Variants in UBE3B observed in about 807,000 individuals in gnomAD.
The protein encoded by UBE3B is ubiquitin protein ligase E3B.
UBE3B carries 80 observed loss-of-function variants against 132.3 expected under a neutral mutation model. The ratio of observed to expected loss-of-function variants is 0.60; its 90% confidence interval spans 0.50 to 0.73. The LOEUF (loss-of-function observed/expected upper bound fraction) is 0.73. Among genes scored for constraint, UBE3B ranks in the 30% least tolerant of loss-of-function variants. The probability of loss-of-function intolerance (pLI) is 0.00; values close to 1 mark genes in which losing one functional copy is unlikely to be tolerated. For missense variants in UBE3B, 1,196 were observed against 1,362.5 expected, an observed-to-expected ratio of 0.88 and a Z score of 1.92; for synonymous variants, 487 against 520.4, an observed-to-expected ratio of 0.94 and a Z score of 0.87.
rs370576457 is a variant in UBE3B at position 109,483,827 on chromosome 12, T to A, written c.162-34T>A. ...CCTTCCAGGTGCTACAAGCTGTTAA[T>A]TTAAAATGTCTTTTTTTGCACTTTC... On this transcript the variant is annotated intron_variant, in intron 3 of 27. Transcript: ENST00000342494. 1.6e-5 allele frequency: 25 copies of A among 1,599,736 alleles called. No individual in the cohort carries two copies. The African/African-American group carries it at 3.2e-4, about 21-fold the overall frequency.
chr12:109,499,498 T>C (rs1592912826), intron 11 of UBE3B, 135 bp from the exon 12 acceptor site: 5 of 855,968 alleles, frequency 5.8e-6, no homozygotes, highest in Non-Finnish European at 6.6e-6. Context: ...GCCTCCGGCA[T>C]TGACAGGTGC....
downstream of UBE3B, among the ~76,000 whole-genome samples, chr12:109,541,702 G>T (rs1883616614): frequency 6.6e-6 from 1 of 152,152 alleles, no homozygotes; most frequent in African/African-American, 2.4e-5. Flanking sequence ...GACAGTTCTG[G>T]CCAGAAGCCT....
At chr12:109,501,347 C>T (rs772277846) in intron 12 of UBE3B, 24 bp from the exon 13 acceptor site, 2 of 1,613,046 alleles carry the variant, frequency 1.2e-6, no homozygotes. Context: ...ACTGACAGAC[C>T]AGGTCTCCTC....
intron 9 of UBE3B, among the ~76,000 whole-genome samples, chr12:109,497,127 G>A (rs1001793928): frequency 2.2e-4 from 34 of 151,816 alleles, no homozygotes; most frequent in Non-Finnish European, 4.4e-4. Flanking sequence ...GATTATGGAA[G>A]CAATACATGC....
At chr12:109,531,443 T>C (rs572468447) in intron 26 of UBE3B, among the ~76,000 whole-genome samples, 1 of 152,346 alleles carries the variant, frequency 6.6e-6, no homozygotes, top group African/African-American at 2.4e-5. Context: ...GCCTTCCTAC[T>C]TGACAGAATA....
chr12:109,494,942 A>G (rs2135878369), intron 9 of UBE3B, among the ~76,000 whole-genome samples: 1 of 152,308 alleles, frequency 6.6e-6, no homozygotes, highest in South Asian at 2.1e-4. Context: ...CCCTTATAAC[A>G]ATGCAGTCCT....
In UBE3B at chr12:109,530,592, C is replaced by T. The variant is rs1006734553; in HGVS notation, c.2856C>T (p.Val952=). 9.9e-6 allele frequency: 16 copies of T among 1,614,180 alleles called. No homozygotes were observed. Among genetic ancestry groups the T allele is most frequent in the Admixed American group, 3.3e-5 (2 of 60,034 alleles). The part of the protein sequence containing the change: ...YYGGFHGSHR[V]IIWLWDILAS... Reference sequence around the variant, plus strand: ...GTGGTTTCCATGGAAGTCACAGAGTCATCATCTGGCTCTGGGATATTCTGG... The same window carrying T: ...GTGGTTTCCATGGAAGTCACAGAGTTATCATCTGGCTCTGGGATATTCTGG... The change falls in exon 26 of 28, where the codon GTC becomes GTT. Residue 952 remains valine, a synonymous_variant. Transcript: ENST00000342494.
chr12:109,480,565 C>T (rs180936474), intron 1 of UBE3B, among the ~76,000 whole-genome samples: 4 of 151,926 alleles, frequency 2.6e-5, no homozygotes, highest in African/African-American at 9.7e-5. Context: ...GTGGGAGAAT[C>T]GCTTGAGCCT....
chr12:109,542,928 A>G, the UBE3B span, among the ~76,000 whole-genome samples: 1 of 152,186 alleles, frequency 6.6e-6, no homozygotes, highest in African/African-American at 2.4e-5. Flanking sequence ...CAGATTTGTC[A>G]CACACCCAAG....
rs1337330829 is a variant in UBE3B at position 109,498,341 on chromosome 12, C to T, written c.928C>T (p.Leu310Phe). The T allele has an allele frequency of 6.2e-7, 1 of 1,613,990 alleles. No individual in the cohort carries two copies. Among genetic ancestry groups the T allele is most frequent in the East Asian group, 2.2e-5 (1 of 44,874 alleles). ...TGAAAGTTTAGAAGGATGCCATACGCTTTGTCTAATGGGTAAGTATCCGTG... is the reference window on the plus strand; with the variant it reads ...TGAAAGTTTAGAAGGATGCCATACGTTTTGTCTAATGGGTAAGTATCCGTG... ...VCESLEGCHTLCLMGNLLHLG... is the reference protein window; with the variant it reads ...VCESLEGCHTFCLMGNLLHLG... Residue 310 changes from leucine to phenylalanine, a missense_variant, in exon 11 of 28, where the codon CTT becomes TTT. By Grantham distance (22) the Leu-to-Phe change is conservative. Transcript: ENST00000342494.
At chr12:109,519,496 C>T (rs1160611959) in intron 19 of UBE3B, 1 of 152,242 alleles carries the variant, frequency 6.6e-6, no homozygotes, top group Non-Finnish European at 1.5e-5. Flanking sequence ...CCATGTGCCA[C>T]TTGCTTTCAC....
rs201191919 is a variant in UBE3B at position 109,485,241 on chromosome 12, T to A, written c.283-771T>A. Reference sequence around the variant, plus strand: ...AGGCATGTCTCCAAGTTACCAGCTGTTAGGCTGTTAGGCATTCCTATTGCT... The same window carrying A: ...AGGCATGTCTCCAAGTTACCAGCTGATAGGCTGTTAGGCATTCCTATTGCT... On this transcript the variant is annotated intron_variant, in intron 4 of 27. Coordinates refer to ENST00000342494, the MANE Select transcript of UBE3B (RefSeq NM_130466.4). Among the ~76,000 whole-genome samples the A allele has an allele frequency of 3.9e-5, 6 of 152,130 alleles. No homozygotes were observed. In the East Asian group the frequency reaches 7.7e-4, roughly 20 times the overall value.
chr12:109,477,826 G>T lies in UBE3B; in HGVS notation c.-411G>T, dbSNP rs544716818. 1 of 160,874 alleles carries T rather than the reference G, an allele frequency of 6.2e-6. No individual in the cohort carries two copies. The highest frequency in any genetic ancestry group is 1.9e-4 in the East Asian group (1 of 5,256). The allele number at this position is 160,874 out of a possible 1,614,324, so 10.0% of individuals were successfully genotyped here. On this transcript the variant is annotated 5_prime_UTR_variant, in exon 1 of 28. Coordinates refer to ENST00000342494, the MANE Select transcript of UBE3B (RefSeq NM_130466.4). ...GGCCTGCGGGAGAACTGGGTCGTCA[G>T]TCCTCCGAGTGGTGGGGCTGGGGAC...
chr12:109,490,195 G>C (rs906747127), intron 8 of UBE3B, 191 bp downstream of exon 8: 1 of 854,550 alleles, frequency 1.2e-6, no homozygotes, highest in African/African-American at 1.7e-5. Flanking sequence ...AGGGAGGACA[G>C]TGGTGCTGGG....
At chr12:109,510,263 A>G (rs1880193310) in intron 16 of UBE3B, 81 bp from the exon 17 acceptor site, 1 of 1,134,430 alleles carries the variant, frequency 8.8e-7, no homozygotes, top group Non-Finnish European at 1.3e-6. Flanking sequence ...CTTGATGACA[A>G]CTGCGGAAGA....
intron 23 of UBE3B, among the ~76,000 whole-genome samples, chr12:109,525,536 T>C (rs1009382735): frequency 1.3e-5 from 2 of 152,256 alleles, no homozygotes; most frequent in Non-Finnish European, 2.9e-5. Flanking sequence ...TGTTCCTTTC[T>C]AGAGCTGTAG....
At chr12:109,507,135 C>A (rs141020440) in intron 14 of UBE3B, among the ~76,000 whole-genome samples, 3 of 152,348 alleles carry the variant, frequency 2.0e-5, no homozygotes, top group African/African-American at 4.8e-5. Context: ...AATATTTACT[C>A]TTTGGCTGTT....
At chr12:109,544,916 TC>T in the UBE3B span, among the ~76,000 whole-genome samples, 1 of 152,194 alleles carries the variant, frequency 6.6e-6, no homozygotes, top group African/African-American at 2.4e-5. Context: ...GTTACCCACT[TC>T]CTCCTGCCTG....
chr12:109,484,400 AT>A (rs939525450), intron 4 of UBE3B, among the ~76,000 whole-genome samples: 2 of 151,338 alleles, frequency 1.3e-5, no homozygotes, highest in Admixed American at 1.3e-4. Flanking sequence ...TCATACTCTG[AT>A]TTTTTTTTGA....
Sources: allele counts gnomAD v4.1 joint callset (sites outside exome capture counted in the v4.1 genomes callset), GRCh38; gene constraint gnomAD v4.1.1; transcripts MANE v1.5; gene names NCBI Gene and HGNC (gene_info 2026-07-23, HGNC 2026-07-21).